The following TLN2 variants were observed in gnomAD, a reference collection of about 807,000 sequenced individuals.
TLN2 encodes talin 2.
A neutral mutation model predicts 294.7 loss-of-function variants in TLN2; 118 were observed. The ratio of observed to expected loss-of-function variants is 0.40; its 90% CI spans 0.34 to 0.47. The LOEUF (loss-of-function observed/expected upper bound fraction) is 0.47, where lower values mean the gene tolerates loss of function less well. TLN2 is among the 20% of genes least tolerant of loss of function. The pLI, the probability that TLN2 is intolerant of heterozygous loss-of-function variation, is 0.84. For missense variants in TLN2, 3,083 were observed against 3,282.2 expected (o/e 0.94, Z 1.48); for synonymous variants, 1,431 against 1,304.5 (o/e 1.10, Z -2.09).
At chr15:62,572,264 A>G (rs1450136080) in intron 1 of TLN2, among the ~76,000 whole-genome samples, 2 of 151,894 alleles carry the variant, frequency 1.3e-5, no homozygotes, top group African/African-American at 2.4e-5. Flanking sequence ...TAAATAAGAC[A>G]GGGTCTTGCT....
chr15:62,624,070 C>G (rs1384820948), intron 3 of TLN2, among the ~76,000 whole-genome samples: 1 of 152,172 alleles, frequency 6.6e-6, no homozygotes, highest in Non-Finnish European at 1.5e-5. Flanking sequence ...GAGGATGGAC[C>G]TGCTCCAAGT....
At chr15:62,787,693 CTTTTTTTTTTTTTTT>C (rs71672889) in intron 45 of TLN2, among the ~76,000 whole-genome samples, 1 of 65,562 alleles carries the variant, frequency 1.5e-5, no homozygotes, top group Non-Finnish European at 3.1e-5. Flanking sequence ...AACTCCTTAT[CTTTTTTTTTTTTTTT>C]TTTTTTTTGA....
intron 45 of TLN2, among the ~76,000 whole-genome samples, chr15:62,786,712 G>A (rs1464806451): frequency 6.6e-6 from 1 of 152,146 alleles, no homozygotes; most frequent in East Asian, 1.9e-4. Flanking sequence ...AGATGAAATG[G>A]ATGTCTGCTT....
intron 1 of TLN2, among the ~76,000 whole-genome samples, chr15:62,458,718 A>G (rs1423592978): frequency 1.3e-5 from 2 of 151,988 alleles, no homozygotes; most frequent in African/African-American, 4.8e-5. Context: ...ACAGTGAGCC[A>G]TGGTGGCACT....
intron 48 of TLN2, among the ~76,000 whole-genome samples, chr15:62,797,654 C>T (rs897254822): frequency 3.3e-5 from 5 of 152,142 alleles, no homozygotes; most frequent in East Asian, 1.9e-4. Flanking sequence ...TGGCCTGGCC[C>T]GGTGAAGGCT....
chr15:62,519,707 G>C (rs1360841599), intron 1 of TLN2, among the ~76,000 whole-genome samples: 1 of 152,188 alleles, frequency 6.6e-6, no homozygotes, highest in Non-Finnish European at 1.5e-5. Context: ...GCAAATTTCT[G>C]TTTGATGGTT....
chr15:62,780,025 C>T (rs1180995427), intron 43 of TLN2, among the ~76,000 whole-genome samples: 1 of 152,200 alleles, frequency 6.6e-6, no homozygotes, highest in African/African-American at 2.4e-5. Flanking sequence ...TGGCACAGAG[C>T]TGCCAGGGAA....
chr15:62,759,410 C>T (rs1167940178), intron 37 of TLN2, among the ~76,000 whole-genome samples: 1 of 151,884 alleles, frequency 6.6e-6, no homozygotes, highest in African/African-American at 2.4e-5. Flanking sequence ...ATTTTAGGGC[C>T]TGTGCTCAAA....
intron 9 of TLN2, among the ~76,000 whole-genome samples, chr15:62,664,627 A>C (rs2054313518): frequency 6.6e-6 from 1 of 151,894 alleles, no homozygotes; most frequent in Non-Finnish European, 1.5e-5. Context: ...GGGAGGCCGA[A>C]GTGGGTGGAT....
intron 1 of TLN2, among the ~76,000 whole-genome samples, chr15:62,511,705 C>G (rs2039949150): frequency 6.6e-6 from 1 of 151,996 alleles, no homozygotes; most frequent in Non-Finnish European, 1.5e-5. Flanking sequence ...GAGGATTGAC[C>G]CCAATTTCCT....
chr15:62,422,773 T>G (rs1323005974), intron 1 of TLN2, among the ~76,000 whole-genome samples: 1 of 152,230 alleles, frequency 6.6e-6, no homozygotes, highest in East Asian at 1.9e-4. Context: ...TCTGGATTTT[T>G]CACCTTCTTG....
At chr15:62,785,608 T>G (rs1030196442) in intron 45 of TLN2, among the ~76,000 whole-genome samples, 7 of 138,384 alleles carry the variant, frequency 5.1e-5, no homozygotes, top group African/African-American at 1.9e-4. Flanking sequence ...GCCAAGACTA[T>G]GCACTGCCCT....
At chr15:62,801,229 C>T (rs187098938) in intron 50 of TLN2, among the ~76,000 whole-genome samples, 46 of 152,310 alleles carry the variant, frequency 3.0e-4, no homozygotes, top group Admixed American at 2.9e-3. Flanking sequence ...TGAGACACTT[C>T]CCTTTAAAAT....
At chr15:62,656,166 G>A in intron 8 of TLN2, 80 bp downstream of exon 8, 1 of 1,552,126 alleles carries the variant, frequency 6.4e-7, no homozygotes, top group Non-Finnish European at 8.8e-7. Context: ...GAGCAGGAGG[G>A]CGGCGCTGGC....
At chr15:62,549,186 G>A (rs2042152053) in intron 1 of TLN2, among the ~76,000 whole-genome samples, 2 of 152,028 alleles carry the variant, frequency 1.3e-5, no homozygotes, top group African/African-American at 4.8e-5. Flanking sequence ...CTTCCTGTAG[G>A]GCTCCCTGAG....
At chr15:62,449,212 G>A (rs960792039) in intron 1 of TLN2, among the ~76,000 whole-genome samples, 1 of 152,186 alleles carries the variant, frequency 6.6e-6, no homozygotes, top group Non-Finnish European at 1.5e-5. Flanking sequence ...GACCCAAATG[G>A]ATTGGTGAGT....
chr15:62,627,359 C>T (rs374899104), intron 3 of TLN2, among the ~76,000 whole-genome samples: 1 of 152,170 alleles, frequency 6.6e-6, no homozygotes, highest in African/African-American at 2.4e-5. Context: ...CCCTTTCTGT[C>T]TTGCTGTCTT....
At chr15:62,804,158 G>C (rs564981789) in intron 50 of TLN2, among the ~76,000 whole-genome samples, 3 of 152,182 alleles carry the variant, frequency 2.0e-5, no homozygotes, top group Non-Finnish European at 2.9e-5. Context: ...GAAGCTAGGG[G>C]TGGGGTGACA....
chr15:62,598,516 GTGAATT>G (rs2046731940), intron 2 of TLN2, among the ~76,000 whole-genome samples: 1 of 152,114 alleles, frequency 6.6e-6, no homozygotes. Flanking sequence ...TGTTCCCTTG[GTGAATT>G]TGATGGGAGA....
Sources: gnomAD v4.1 joint callset for allele counts (sites outside exome capture counted in the v4.1 genomes callset) on GRCh38, gnomAD v4.1.1 for gene constraint, MANE v1.5 for transcripts, NCBI Gene and HGNC (gene_info 2026-07-23, HGNC 2026-07-21) for gene names.